The following SPON1 variants were observed in gnomAD, a reference collection of about 807,000 sequenced individuals.
SPON1 encodes the protein spondin 1, also known as spondin-1.
Under a neutral mutation model 111.7 loss-of-function variants are expected in SPON1, and 52 were observed. The ratio of observed to expected loss-of-function variants is 0.47; its 90% CI spans 0.37 to 0.59. The LOEUF is 0.59. Among genes scored for constraint, SPON1 ranks in the 20% least tolerant of loss-of-function variants. The pLI, the probability that SPON1 is intolerant of heterozygous loss-of-function variation, is 0.00. For missense variants in SPON1, 957 were observed against 1,068.5 expected (o/e 0.90, Z 1.46); for synonymous variants, 410 against 395.8 (o/e 1.04, Z -0.43).
chr11:14,177,488 T>G (rs1168151299), intron 6 of SPON1, among the ~76,000 whole-genome samples: 1 of 152,136 alleles, frequency 6.6e-6, no homozygotes, highest in Non-Finnish European at 1.5e-5. Flanking sequence ...TGAGCCAGTT[T>G]ATTGATCTGG....
Position 14,035,178 on chromosome 11 carries a change from T to C in SPON1, c.346-6343T>C, listed in dbSNP as rs145016143. ...TGTATGTGGTTTCATGGGACTAGGA[T>C]TGGCTAGAGAGAAATTTCCTGCCTA... On this transcript the variant is annotated intron_variant, in intron 2 of 15. Transcript: ENST00000576479. Among the ~76,000 whole-genome samples, 430 of 152,204 alleles carry C rather than the reference T, an allele frequency of 2.8e-3. 3 individuals are homozygous for C. The highest frequency in any genetic ancestry group is 9.8e-3 in the African/African-American group (407 of 41,540).
chr11:14,189,589 A>G (rs1591404900), intron 6 of SPON1, among the ~76,000 whole-genome samples: 1 of 152,092 alleles, frequency 6.6e-6, no homozygotes, highest in Non-Finnish European at 1.5e-5. Flanking sequence ...GCCCCACCCC[A>G]TATCCCTATT....
intron 6 of SPON1, among the ~76,000 whole-genome samples, chr11:14,163,310 A>G (rs1033105927): frequency 6.6e-6 from 1 of 152,218 alleles, no homozygotes; most frequent in African/African-American, 2.4e-5. Context: ...GAAAGTAATG[A>G]TAAGTGCAAA....
At chr11:14,209,579 A>C (rs1848553231) in intron 6 of SPON1, among the ~76,000 whole-genome samples, 1 of 152,178 alleles carries the variant, frequency 6.6e-6, no homozygotes. Context: ...TGTCCCTGCA[A>C]AGGACATGAA....
At chr11:14,218,435 G>A (rs985980761) in intron 6 of SPON1, among the ~76,000 whole-genome samples, 1 of 152,108 alleles carries the variant, frequency 6.6e-6, no homozygotes, top group South Asian at 2.1e-4. Flanking sequence ...GTTCCCATTG[G>A]TCCCCCTGAT....
chr11:14,139,146 C>G (rs1272515811), intron 6 of SPON1, among the ~76,000 whole-genome samples: 1 of 152,202 alleles, frequency 6.6e-6, no homozygotes, highest in Non-Finnish European at 1.5e-5. Context: ...CTTACCTCTC[C>G]AATTTTATTT....
intron 6 of SPON1, among the ~76,000 whole-genome samples, chr11:14,224,997 G>A (rs532232896): frequency 2.0e-5 from 3 of 152,254 alleles, no homozygotes; most frequent in South Asian, 4.1e-4. Context: ...GACATGGCAC[G>A]GATGGAGTGA....
chr11:14,239,444 G>C (rs1454257292), intron 6 of SPON1, among the ~76,000 whole-genome samples: 1 of 152,172 alleles, frequency 6.6e-6, no homozygotes, highest in Non-Finnish European at 1.5e-5. Context: ...AACAGAGTTT[G>C]GCAGGGCACG....
chr11:14,224,382 A>G (rs1848714455), intron 6 of SPON1, among the ~76,000 whole-genome samples: 1 of 152,182 alleles, frequency 6.6e-6, no homozygotes, highest in African/African-American at 2.4e-5. Flanking sequence ...GGCATTACCT[A>G]GGTGAGAAAG....
chr11:14,153,932 C>T (rs1233875600), intron 6 of SPON1, among the ~76,000 whole-genome samples: 1 of 152,206 alleles, frequency 6.6e-6, no homozygotes, highest in African/African-American at 2.4e-5. Context: ...CCCAACAGGG[C>T]AGTCATTAAA....
At chr11:14,111,269 C>T (rs925400196) in intron 5 of SPON1, among the ~76,000 whole-genome samples, 1 of 152,150 alleles carries the variant, frequency 6.6e-6, no homozygotes, top group Non-Finnish European at 1.5e-5. Flanking sequence ...TGAACACATC[C>T]TTTTCCTTAC....
chr11:14,057,844 C>A (rs12276619), intron 3 of SPON1, among the ~76,000 whole-genome samples: 11,325 of 123,144 alleles, frequency 0.092, 1,019 homozygotes, highest in South Asian at 0.17. Context: ...AAAAAAAAAA[C>A]AAAACAAAAA....
At chr11:14,020,008 A>T (rs59319616) in intron 2 of SPON1, among the ~76,000 whole-genome samples, 65 of 152,294 alleles carry the variant, frequency 4.3e-4, no homozygotes, top group African/African-American at 1.5e-3. Context: ...AAGGAACAGG[A>T]TAGCCATAAT....
intron 2 of SPON1, among the ~76,000 whole-genome samples, chr11:14,020,438 A>G (rs1554914694): frequency 6.6e-6 from 1 of 152,234 alleles, no homozygotes; most frequent in African/African-American, 2.4e-5. Context: ...GGTTAAGAAG[A>G]GAATGGTGAT....
chr11:14,182,604 C>T (rs1554933779), intron 6 of SPON1, among the ~76,000 whole-genome samples: 1 of 152,058 alleles, frequency 6.6e-6, no homozygotes, highest in African/African-American at 2.4e-5. Context: ...TTGGGTATTG[C>T]ACAAAAGCAC....
chr11:14,234,197 C>T (rs1247959604), intron 6 of SPON1, among the ~76,000 whole-genome samples: 4 of 152,202 alleles, frequency 2.6e-5, no homozygotes, highest in Non-Finnish European at 5.9e-5. Context: ...TCCTCACAGC[C>T]CTTTCTGTTT....
intron 6 of SPON1, among the ~76,000 whole-genome samples, chr11:14,221,083 AT>A (rs1554937537): frequency 6.6e-6 from 1 of 152,186 alleles, no homozygotes; most frequent in Non-Finnish European, 1.5e-5. Context: ...ATTTCTACTC[AT>A]TAATTTATTC....
At chr11:14,222,396 A>G (rs1178382813) in intron 6 of SPON1, among the ~76,000 whole-genome samples, 1 of 152,246 alleles carries the variant, frequency 6.6e-6, no homozygotes, top group Non-Finnish European at 1.5e-5. Context: ...TACGGCAAAG[A>G]TTCCATATAC....
intron 6 of SPON1, among the ~76,000 whole-genome samples, chr11:14,231,918 G>T (rs1848807962): frequency 9.7e-6 from 1 of 103,044 alleles, no homozygotes; most frequent in Admixed American, 9.1e-5. Context: ...AAGCTGCTGG[G>T]TAAGGATGGT....
Sources: gnomAD v4.1 joint callset for allele counts (sites outside exome capture counted in the v4.1 genomes callset) on GRCh38, gnomAD v4.1.1 for gene constraint, MANE v1.5 for transcripts, NCBI Gene and HGNC (gene_info 2026-07-23, HGNC 2026-07-21) for gene names.